ZPLD1: variants seen among roughly 807,000 people sequenced by gnomAD.
The protein encoded by ZPLD1 is zona pellucida-like domain-containing protein 1.
A neutral mutation model predicts 47.2 loss-of-function variants in ZPLD1; 34 were observed. That is an observed-to-expected ratio of 0.72 (90% CI 0.55 to 0.96). ZPLD1 has a LOEUF of 0.96. Ranked by LOEUF, ZPLD1 falls within the 40% of genes least tolerant of loss-of-function variation. The pLI is 0.00. For synonymous variants in ZPLD1, 176 were observed against 186.2 expected (o/e 0.95, Z 0.45); for missense variants, 512 against 505.8 (o/e 1.01, Z -0.12).
upstream of ZPLD1, among the ~76,000 whole-genome samples, chr3:102,430,909 G>T (rs754215910): frequency 6.6e-6 from 1 of 152,126 alleles, no homozygotes; most frequent in Non-Finnish European, 1.5e-5. Context: ...TTATTAATTT[G>T]TTATGATTAC....
intron 10 of ZPLD1, among the ~76,000 whole-genome samples, chr3:102,472,345 A>C (rs746952945): frequency 6.6e-6 from 1 of 152,150 alleles, no homozygotes; most frequent in African/African-American, 2.4e-5. Context: ...CAGCCTGGCC[A>C]ACATGGTGAA....
At position 102,453,086 on chromosome 3, in the gene ZPLD1, G is replaced by A. The variant is rs763082443; in HGVS notation, c.274G>A (p.Val92Ile). The A allele has an allele frequency of 2.5e-6, 4 of 1,613,948 alleles. No homozygotes were observed. The highest frequency in any genetic ancestry group is 8.5e-7 in the Non-Finnish European group (1 of 1,179,982). ...CAATAACAACACCTTTCCAGCAGTG[G>A]TCATTTTTATCATCAATCTCAGCAC... ...FINNNTFPAV[V>I]IFIINLSTLE... Residue 92 changes from valine (V) to isoleucine (I), a missense_variant, in exon 4 of 12, where the codon GTC becomes ATC. Transcript: ENST00000466937.
intron 7 of ZPLD1, among the ~76,000 whole-genome samples, chr3:102,411,130 C>T (rs972036701): frequency 4.0e-5 from 6 of 151,708 alleles, no homozygotes; most frequent in Admixed American, 2.6e-4. Context: ...TTTTAAATAA[C>T]ACGAAGTGGT....
intron 10 of ZPLD1, among the ~76,000 whole-genome samples, chr3:102,474,157 A>C (rs1448997235): frequency 6.6e-6 from 1 of 152,202 alleles, no homozygotes; most frequent in East Asian, 1.9e-4. Flanking sequence ...CTCATAATGC[A>C]ACCCCTCAAG....
intron 6 of ZPLD1, 33 bp from the exon 7 acceptor site, chr3:102,462,248 G>T: frequency 7.3e-7 from 1 of 1,374,916 alleles, no homozygotes; most frequent in Non-Finnish European, 1.0e-6. Context: ...TGTTGGGGAG[G>T]TAATAATAGA....
At chr3:102,447,184 G>A (rs1707269747) in intron 3 of ZPLD1, among the ~76,000 whole-genome samples, 1 of 152,106 alleles carries the variant, frequency 6.6e-6, no homozygotes, top group Non-Finnish European at 1.5e-5. Context: ...TTGTGCCTCA[G>A]CCTCCCAAGT....
At chr3:102,400,416 C>T (rs6762463) in intron 7 of ZPLD1, among the ~76,000 whole-genome samples, 3,627 of 152,118 alleles carry the variant, frequency 0.024, 151 homozygotes, top group African/African-American at 0.083. Context: ...CCTCCTGCTA[C>T]GCACATTGGA....
Position 102,442,546 on chromosome 3 carries a change from A to G in ZPLD1, c.106+3953A>G, listed in dbSNP as rs557103271. On this transcript the variant is annotated intron_variant, in intron 3 of 11. Transcript: ENST00000466937. ...AGATCAGAGTGAGCAAATAAAGCCT[A>G]AAGATTAATTGCTTACTGCCCTCTT... 7.4e-4 allele frequency among the ~76,000 whole-genome samples: 113 copies of G among 152,224 alleles called. 2 individuals carry two copies. In the South Asian group the frequency reaches 0.023, roughly 31 times the overall value.
chr3:102,406,173 T>C (rs1706683032), intron 7 of ZPLD1, among the ~76,000 whole-genome samples: 1 of 151,938 alleles, frequency 6.6e-6, no homozygotes, highest in Non-Finnish European at 1.5e-5. Context: ...GAAAATCAGA[T>C]AATTCTCAGA....
intron 7 of ZPLD1, among the ~76,000 whole-genome samples, chr3:102,411,649 T>A (rs1218970208): frequency 2.0e-5 from 3 of 151,790 alleles, no homozygotes; most frequent in African/African-American, 7.2e-5. Flanking sequence ...TCCAAAAGAA[T>A]CCTTCCCCCA....
At chr3:102,432,288 G>A (rs1444900970), upstream of ZPLD1, among the ~76,000 whole-genome samples, 1 of 152,222 alleles carries the variant, frequency 6.6e-6, no homozygotes. Context: ...GTGGAGAGTA[G>A]CTGCTCAGTA....
intron 11 of ZPLD1, 23 bp from the exon 12 acceptor site, chr3:102,477,420 C>T (rs377765863): frequency 3.6e-5 from 57 of 1,601,188 alleles, no homozygotes; most frequent in South Asian, 6.8e-5. Flanking sequence ...CCTTTACAAC[C>T]GGGTGTGTTT....
intron 10 of ZPLD1, among the ~76,000 whole-genome samples, chr3:102,473,685 A>G (rs1476087406): frequency 6.6e-6 from 1 of 152,202 alleles, no homozygotes; most frequent in Non-Finnish European, 1.5e-5. Flanking sequence ...AGATGTTTAC[A>G]TTGTAATACT....
intron 4 of ZPLD1, 101 bp from the exon 5 acceptor site, chr3:102,456,092 G>A (rs62272486): frequency 0.14 from 128,351 of 893,852 alleles, 9,935 homozygotes; most frequent in Middle Eastern, 0.21. Flanking sequence ...AGTTGAACTA[G>A]ACTCTAGAAT....
chr3:102,399,533 C>G (rs1706595620), intron 7 of ZPLD1, among the ~76,000 whole-genome samples: 1 of 150,986 alleles, frequency 6.6e-6, no homozygotes, highest in Admixed American at 6.6e-5. Flanking sequence ...TTTGCTAGTT[C>G]TCGGTCAGTA....
intron 7 of ZPLD1, among the ~76,000 whole-genome samples, chr3:102,394,923 T>C (rs1706539838): frequency 6.6e-6 from 1 of 152,078 alleles, no homozygotes; most frequent in African/African-American, 2.4e-5. Flanking sequence ...ATTAGGGCAA[T>C]TAAAAGGAAG....
At chr3:102,412,640 T>C (rs182142969) in intron 7 of ZPLD1, among the ~76,000 whole-genome samples, 243 of 151,902 alleles carry the variant, frequency 1.6e-3, no homozygotes, top group Middle Eastern at 3.4e-3. Context: ...GAAGAATAAG[T>C]AACTATAACA....
chr3:102,407,893 A>G (rs150204615), intron 7 of ZPLD1, among the ~76,000 whole-genome samples: 1 of 151,914 alleles, frequency 6.6e-6, no homozygotes, highest in Non-Finnish European at 1.5e-5. Flanking sequence ...GCACGATGCA[A>G]TGAGGCTCAG....
chr3:102,408,431 A>G (rs987268187), intron 7 of ZPLD1, among the ~76,000 whole-genome samples: 10 of 151,876 alleles, frequency 6.6e-5, no homozygotes, highest in African/African-American at 2.2e-4. Flanking sequence ...GTATTTTCAA[A>G]CAGAAACATT....
Sources: gnomAD v4.1 joint callset for allele counts (sites outside exome capture counted in the v4.1 genomes callset) on GRCh38, gnomAD v4.1.1 for gene constraint, MANE v1.5 for transcripts, NCBI Gene and HGNC (gene_info 2026-07-23, HGNC 2026-07-21) for gene names.